Variants in MEI4 observed in about 807,000 individuals in gnomAD.
MEI4 encodes meiotic double-stranded break formation protein 4.
Under a neutral mutation model 31.4 loss-of-function variants are expected in MEI4, and 27 were observed. The observed-to-expected ratio is 0.86, with a 90% CI of 0.63 to 1.19. MEI4 has a LOEUF of 1.19. MEI4 is among the 50% of genes most tolerant of loss of function. The pLI is 0.00. For missense variants in MEI4, 329 were observed against 398.9 expected (o/e 0.82, Z 1.49); for synonymous variants, 122 against 145.4 (o/e 0.84, Z 1.16).
At chr6:77,903,888 T>C (rs1024806645) in intron 4 of MEI4, among the ~76,000 whole-genome samples, 2 of 152,156 alleles carry the variant, frequency 1.3e-5, no homozygotes, top group Non-Finnish European at 2.9e-5. Context: ...ATATTTAGTT[T>C]TCATTTATTT....
chr6:77,872,697 A>G (rs1167070641), intron 4 of MEI4, among the ~76,000 whole-genome samples: 1 of 146,832 alleles, frequency 6.8e-6, no homozygotes, highest in African/African-American at 2.5e-5. Flanking sequence ...GTCATTTAGC[A>G]TTAGGTATAT....
intron 1 of MEI4, among the ~76,000 whole-genome samples, chr6:77,687,608 T>G (rs1582023825): frequency 6.6e-6 from 1 of 152,248 alleles, no homozygotes; most frequent in Admixed American, 6.5e-5. Flanking sequence ...TCTGTCTGAC[T>G]TATTCAGAGG....
intron 4 of MEI4, among the ~76,000 whole-genome samples, chr6:77,850,666 C>G (rs1047272563): frequency 1.3e-5 from 2 of 152,098 alleles, no homozygotes; most frequent in African/African-American, 4.8e-5. Flanking sequence ...AATGTTAGAT[C>G]TAAAACCATA....
At chr6:77,866,056 AATAGGT>A (rs2127723174) in intron 4 of MEI4, among the ~76,000 whole-genome samples, 1 of 152,132 alleles carries the variant, frequency 6.6e-6, no homozygotes, top group South Asian at 2.1e-4. Flanking sequence ...CTCTCAATAA[AATAGGT>A]ACTGATGGGA....
intron 1 of MEI4, among the ~76,000 whole-genome samples, chr6:77,683,076 C>T (rs1768987544): frequency 6.6e-6 from 1 of 152,094 alleles, no homozygotes; most frequent in Non-Finnish European, 1.5e-5. Flanking sequence ...TACACCTAAG[C>T]TGTTGTTGAA....
chr6:77,781,548 TA>T (rs1332822598), intron 3 of MEI4, among the ~76,000 whole-genome samples: 2 of 152,206 alleles, frequency 1.3e-5, no homozygotes. Flanking sequence ...TATCCCCAGG[TA>T]ATTCACATAA....
At chr6:77,841,414 A>G (rs1193508259) in intron 4 of MEI4, among the ~76,000 whole-genome samples, 1 of 137,920 alleles carries the variant, frequency 7.3e-6, no homozygotes, top group Non-Finnish European at 1.5e-5. Context: ...ATCTCAGCTC[A>G]TGGCACCCTC....
chr6:77,881,878 A>G (rs1771499227), intron 4 of MEI4, among the ~76,000 whole-genome samples: 1 of 152,226 alleles, frequency 6.6e-6, no homozygotes, highest in African/African-American at 2.4e-5. Context: ...ATACATTCCT[A>G]TAATTTAATT....
intron 1 of MEI4, among the ~76,000 whole-genome samples, chr6:77,660,141 G>A (rs1156648266): frequency 2.0e-5 from 3 of 152,118 alleles, no homozygotes; most frequent in Non-Finnish European, 4.4e-5. Context: ...GGCGGGGACA[G>A]CTGTGTAGGC....
At position 77,714,173 on chromosome 6, in the gene MEI4, G is replaced by A. The variant is rs1032684017; in HGVS notation, c.232+23270G>A. ...AGATTGATTCTATGTCTTTGCTATT[G>A]TGATGAAATTGTCTGTACAACACAC... On this transcript the variant is annotated intron_variant, in intron 2 of 4. Transcript: ENST00000684080. Among the ~76,000 whole-genome samples the A allele has an allele frequency of 2.0e-5, 3 of 151,012 alleles. No individual in the cohort carries two copies. The South Asian group carries it at 6.3e-4, about 32-fold the overall frequency.
chr6:77,851,965 C>G (rs541334147), intron 4 of MEI4, among the ~76,000 whole-genome samples: 30 of 152,182 alleles, frequency 2.0e-4, no homozygotes, highest in African/African-American at 6.7e-4. Context: ...AATTGAACGC[C>G]TAAGTTCTAT....
At chr6:77,801,525 G>T (rs1769258445) in intron 3 of MEI4, among the ~76,000 whole-genome samples, 2 of 152,030 alleles carry the variant, frequency 1.3e-5, no homozygotes, top group Admixed American at 6.6e-5. Context: ...CTTGCCTTCT[G>T]CTAGCTTTTG....
At position 77,926,279 on chromosome 6, in the gene MEI4, A is replaced by T. The variant is rs541503107; in HGVS notation, c.*2933A>T. 2 of 151,944 alleles carry T rather than the reference A, an allele frequency of 1.3e-5. No individual in the cohort carries two copies. The highest frequency in any genetic ancestry group is 4.8e-5 in the African/African-American group (2 of 41,414). 9.4% of individuals were successfully genotyped at this position (151,944 alleles called of 1,614,324 possible). Reference sequence around the variant, plus strand: ...TTGCTGTAAACAAGTTGTCCTATCTATAAGTAAACCAGAGGAACAGCATCT... The same window carrying T: ...TTGCTGTAAACAAGTTGTCCTATCTTTAAGTAAACCAGAGGAACAGCATCT... On this transcript the variant is annotated 3_prime_UTR_variant, in exon 5 of 5. Transcript: ENST00000684080.
At chr6:77,753,263 A>C (rs142717167) in intron 2 of MEI4, among the ~76,000 whole-genome samples, 4,346 of 152,308 alleles carry the variant, frequency 0.029, 218 homozygotes, top group African/African-American at 0.098. Flanking sequence ...GGATCTAATT[A>C]AACTAAAGAG....
At chr6:77,812,082 A>T (rs1380212991) in intron 3 of MEI4, among the ~76,000 whole-genome samples, 1 of 152,170 alleles carries the variant, frequency 6.6e-6, no homozygotes, top group African/African-American at 2.4e-5. Flanking sequence ...AACAGTGAAC[A>T]ACCATATTCT....
intron 2 of MEI4, among the ~76,000 whole-genome samples, chr6:77,741,387 T>C (rs1401681600): frequency 6.6e-6 from 1 of 152,080 alleles, no homozygotes; most frequent in African/African-American, 2.4e-5. Flanking sequence ...GACTCTCTGA[T>C]TGGTCTAGAG....
chr6:77,827,432 A>C (rs1769982885), intron 3 of MEI4, among the ~76,000 whole-genome samples: 1 of 150,900 alleles, frequency 6.6e-6, no homozygotes, highest in Non-Finnish European at 1.5e-5. Context: ...GGGATGAGCC[A>C]GCACTCTGAC....
intron 1 of MEI4, among the ~76,000 whole-genome samples, chr6:77,674,197 T>C (rs956200416): frequency 1.3e-5 from 2 of 152,202 alleles, no homozygotes; most frequent in Non-Finnish European, 2.9e-5. Flanking sequence ...ACATTAATTC[T>C]TTATTCAAAT....
At chr6:77,816,851 T>G (rs1769700949) in intron 3 of MEI4, among the ~76,000 whole-genome samples, 1 of 152,216 alleles carries the variant, frequency 6.6e-6, no homozygotes, top group South Asian at 2.1e-4. Flanking sequence ...TTGTCTTTTT[T>G]TGAACTTTTT....
Sources: allele counts gnomAD v4.1 joint callset (sites outside exome capture counted in the v4.1 genomes callset), GRCh38; gene constraint gnomAD v4.1.1; transcripts MANE v1.5; gene names NCBI Gene and HGNC (gene_info 2026-07-23, HGNC 2026-07-21).